CCDC146: variants seen among roughly 807,000 people sequenced by gnomAD.
The protein encoded by CCDC146 is coiled-coil domain-containing protein 146.
In CCDC146, 92 loss-of-function variants were observed where a neutral mutation model predicts 119.3. The ratio of observed to expected loss-of-function variants is 0.77; its 90% CI spans 0.65 to 0.92. CCDC146 has a LOEUF of 0.92. Ranked by LOEUF, CCDC146 falls within the 40% of genes least tolerant of loss-of-function variation. The pLI is 0.00. For synonymous variants in CCDC146, 372 were observed against 371.8 expected, an observed-to-expected ratio of 1.00 and a Z score of -0.01; for missense variants, 1,000 against 1,103.0, an observed-to-expected ratio of 0.91 and a Z score of 1.32.
At chr7:77,156,186 G>A (rs1167739932) in intron 1 of CCDC146, among the ~76,000 whole-genome samples, 6 of 152,162 alleles carry the variant, frequency 3.9e-5, no homozygotes, top group Non-Finnish European at 7.4e-5. Context: ...AGAGGTAACT[G>A]TTTAACATGT....
chr7:77,198,359 G>C (rs1791914998), intron 2 of CCDC146: 3 of 977,368 alleles, frequency 3.1e-6, no homozygotes, highest in Non-Finnish European at 3.6e-6. Flanking sequence ...TCCAAAGTAT[G>C]AGACAGTCAG....
At chr7:77,216,957 T>A (rs1792312321) in intron 2 of CCDC146, among the ~76,000 whole-genome samples, 1 of 147,418 alleles carries the variant, frequency 6.8e-6, no homozygotes, top group Non-Finnish European at 1.5e-5. Context: ...TTCATAATCT[T>A]TTTAACTTTT....
intron 1 of CCDC146, among the ~76,000 whole-genome samples, chr7:77,156,163 T>C (rs576008175): frequency 6.6e-6 from 1 of 152,322 alleles, no homozygotes; most frequent in South Asian, 2.1e-4. Context: ...GGATTACACA[T>C]GCGTATAATC....
chr7:77,261,080 G>T lies in CCDC146; in HGVS notation c.986+844G>T, dbSNP rs186935079. On this transcript the variant is annotated intron_variant, in intron 8 of 18. Coordinates refer to ENST00000285871, the MANE Select transcript of CCDC146 (RefSeq NM_020879.3). ...GCCTTTGGCATTATTTACAATTTAT[G>T]ATTCCAACATGAGAATAGTCATGTG... Among the ~76,000 whole-genome samples, 29 of 151,310 alleles carry T rather than the reference G, an allele frequency of 1.9e-4. 1 individual carries two copies. The highest frequency in any genetic ancestry group is 6.8e-4 in the African/African-American group (28 of 41,138).
At chr7:77,124,484 C>T (rs1316291806) in intron 1 of CCDC146, among the ~76,000 whole-genome samples, 1 of 152,186 alleles carries the variant, frequency 6.6e-6, no homozygotes, top group Non-Finnish European at 1.5e-5. Flanking sequence ...TTATTCTCCT[C>T]ACACTATAGA....
intron 8 of CCDC146, among the ~76,000 whole-genome samples, chr7:77,261,547 G>T (rs1174032755): frequency 6.6e-6 from 1 of 151,918 alleles, no homozygotes; most frequent in Non-Finnish European, 1.5e-5. Context: ...GCGCAATCTC[G>T]GCTCACTGCA....
At position 77,293,860 on chromosome 7, in the gene CCDC146, G is replaced by T. The variant is rs543027367; in HGVS notation, c.2664+660G>T. On this transcript the variant is annotated intron_variant, in intron 18 of 18. Transcript: ENST00000285871. ...ACAACTCACTCAGATTGCCAAGTGG[G>T]TATCACCGAAAGGGTCCCTATTTGC... Among the ~76,000 whole-genome samples the T allele has an allele frequency of 9.9e-5, 15 of 152,282 alleles. 1 individual carries two copies. In the South Asian group the frequency reaches 1.0e-3, roughly 11 times the overall value.
chr7:77,280,490 A>T lies in CCDC146; in HGVS notation c.1756A>T (p.Asn586Tyr). The change falls in exon 14 of 19, where the codon AAC becomes TAC. Residue 586 changes from asparagine to tyrosine, a missense_variant. By Grantham distance (143) the Asn-to-Tyr change is moderately radical. This residue lies in a region of CCDC146 where 985 missense variants were observed against 1,045.3 expected (regional missense o/e 0.94). Coordinates refer to ENST00000285871, the MANE Select transcript of CCDC146 (RefSeq NM_020879.3). ...NNVTIRESMQ[N>Y]DVRKIVSKLQ... ...TGTTACCATCAGAGAGAGCATGCAA[A>T]ACGATGTGCGCAAAATTGTATCAAA... 1 of 1,614,172 alleles carries T rather than the reference A, an allele frequency of 6.2e-7. No individual in the cohort carries two copies. Among genetic ancestry groups the T allele is most frequent in the Non-Finnish European group, 8.5e-7 (1 of 1,180,018 alleles).
intron 13 of CCDC146, 115 bp from the exon 14 acceptor site, chr7:77,280,313 AG>A: frequency 1.4e-6 from 1 of 713,626 alleles, no homozygotes; most frequent in Non-Finnish European, 2.3e-6. Context: ...TATCATTTCA[AG>A]GGCTACACTA....
At chr7:77,206,598 A>C (rs1240495042) in intron 2 of CCDC146, among the ~76,000 whole-genome samples, 2 of 151,120 alleles carry the variant, frequency 1.3e-5, no homozygotes, top group Non-Finnish European at 2.9e-5. Context: ...GCACCACTGC[A>C]CTCCAGCTTG....
At chr7:77,233,848 T>C (rs1327461344) in intron 2 of CCDC146, among the ~76,000 whole-genome samples, 1 of 152,148 alleles carries the variant, frequency 6.6e-6, no homozygotes, top group Non-Finnish European at 1.5e-5. Flanking sequence ...CATTGCAAAA[T>C]GCCAAATACA....
At chr7:77,278,576 G>A (rs1283646564) in intron 11 of CCDC146, among the ~76,000 whole-genome samples, 176 bp from the exon 12 acceptor site, 1 of 151,202 alleles carries the variant, frequency 6.6e-6, no homozygotes, top group African/African-American at 2.4e-5. Context: ...CTCCTGAGTA[G>A]CTGGGACTAC....
chr7:77,188,261 T>C (rs1034476547), intron 2 of CCDC146, among the ~76,000 whole-genome samples: 1 of 152,194 alleles, frequency 6.6e-6, no homozygotes, highest in South Asian at 2.1e-4. Flanking sequence ...GGTGTGATTA[T>C]TATGCATTGT....
chr7:77,217,422 T>TTCAG lies in CCDC146; in HGVS notation c.157-19524_157-19523insCAGT, dbSNP rs979665604. ...TATAAAATAGAAATTCAGCTACATATTTATGTTTTAGAAATAGAGCCATGA... is the reference window on the plus strand; with the variant it reads ...TATAAAATAGAAATTCAGCTACATATTCAGTTATGTTTTAGAAATAGAGCCATGA... On this transcript the variant is annotated intron_variant, in intron 2 of 18. Transcript: ENST00000285871. Among the ~76,000 whole-genome samples the TTCAG allele has an allele frequency of 4.0e-3, 604 of 151,534 alleles. 4 individuals are homozygous for TTCAG. The highest frequency in any genetic ancestry group is 0.014 in the African/African-American group (564 of 41,200).
At chr7:77,266,086 A>G (rs1425475489) in intron 9 of CCDC146, among the ~76,000 whole-genome samples, 1 of 152,190 alleles carries the variant, frequency 6.6e-6, no homozygotes, top group Admixed American at 6.5e-5. Context: ...AAAGAAAACC[A>G]TGATTCCTAG....
intron 9 of CCDC146, among the ~76,000 whole-genome samples, chr7:77,266,068 CT>C (rs1377104434): frequency 3.3e-5 from 5 of 152,140 alleles, no homozygotes; most frequent in African/African-American, 1.2e-4. Flanking sequence ...CCACGTGGCA[CT>C]GAAAAGAAAG....
intron 1 of CCDC146, among the ~76,000 whole-genome samples, chr7:77,167,189 A>G (rs962680079): frequency 6.6e-6 from 1 of 152,170 alleles, no homozygotes; most frequent in East Asian, 1.9e-4. Flanking sequence ...TAAGGTAGAC[A>G]ATATGAAAAA....
chr7:77,191,245 A>G (rs1185754419), intron 2 of CCDC146, among the ~76,000 whole-genome samples: 1 of 152,200 alleles, frequency 6.6e-6, no homozygotes, highest in Non-Finnish European at 1.5e-5. Context: ...CTGAGAACCT[A>G]TCAACAGCGT....
At chr7:77,228,311 C>G (rs1484003912) in intron 2 of CCDC146, among the ~76,000 whole-genome samples, 1 of 152,192 alleles carries the variant, frequency 6.6e-6, no homozygotes, top group African/African-American at 2.4e-5. Flanking sequence ...CCTTCTCCTC[C>G]CTTCCACCCT....
Sources: allele counts gnomAD v4.1 joint callset (sites outside exome capture counted in the v4.1 genomes callset), GRCh38; gene constraint gnomAD v4.1.1; regional missense constraint gnomAD v4.1.1; transcripts MANE v1.5; gene names NCBI Gene and HGNC (gene_info 2026-07-23, HGNC 2026-07-21).